REV3L: variants seen among roughly 807,000 people sequenced by gnomAD.
REV3L encodes DNA polymerase zeta catalytic subunit.
REV3L carries 69 observed loss-of-function variants against 299.4 expected under a neutral mutation model. The ratio of observed to expected loss-of-function variants is 0.23; its 90% CI spans 0.19 to 0.28. The LOEUF (loss-of-function observed/expected upper bound fraction) is 0.28, where lower values mean the gene tolerates loss of function less well. Ranked by LOEUF, REV3L falls within the 10% of genes least tolerant of loss-of-function variation. REV3L has a pLI of 1.00. For synonymous variants in REV3L, 1,238 were observed against 1,271.4 expected, an observed-to-expected ratio of 0.97 and a Z score of 0.56; for missense variants, 3,128 against 3,693.8, an observed-to-expected ratio of 0.85 and a Z score of 3.97.
In REV3L at chr6:111,430,918, C is replaced by T. The variant is rs1786837569; in HGVS notation, c.140-14446G>A. ...TGGATCTCATTGTAGGAGAGCCAGG[C>T]TACTGCCCTGTGAGACTGGGAATGA... On this transcript the variant is annotated intron_variant, in intron 1 of 31. Coordinates refer to ENST00000368802, the MANE Select transcript of REV3L (RefSeq NM_001372078.1). 1.9e-6 allele frequency: 3 copies of T among 1,602,208 alleles called. No homozygotes were observed. The East Asian group carries it at 6.7e-5, about 36-fold the overall frequency.
chr6:111,310,908 C>A, intron 29 of REV3L, 161 bp downstream of exon 29: 1 of 473,678 alleles, frequency 2.1e-6, no homozygotes. Flanking sequence ...TCACATCTTA[C>A]GAAGTATGAG....
At position 111,372,489 on chromosome 6, in the gene REV3L, G is replaced by A. The variant is rs941705081; in HGVS notation, c.5759+107C>T. The A allele has an allele frequency of 4.0e-5, 31 of 774,336 alleles. No homozygotes were observed. The African/African-American group carries it at 5.3e-4, about 13-fold the overall frequency. 48.0% of individuals were successfully genotyped at this position (774,336 alleles called of 1,614,324 possible). A position where few individuals can be genotyped will look rare whatever the true frequency, so the allele number is the denominator to read the frequency against. On this transcript the variant is annotated intron_variant, in intron 13 of 31. Coordinates refer to ENST00000368802, the MANE Select transcript of REV3L (RefSeq NM_001372078.1). Reference sequence around the variant, plus strand: ...AATACGGTATCACAGAAAACTAGCAGTCAGGTAACCAAATGTTGCATACAT... The same window carrying A: ...AATACGGTATCACAGAAAACTAGCAATCAGGTAACCAAATGTTGCATACAT...
chr6:111,411,226 C>T (rs933404056), intron 3 of REV3L, among the ~76,000 whole-genome samples: 3 of 152,132 alleles, frequency 2.0e-5, no homozygotes, highest in African/African-American at 7.2e-5. Flanking sequence ...CACAAGGCAG[C>T]CGTAATCTCT....
At chr6:111,326,186 G>A (rs411068) in intron 25 of REV3L, among the ~76,000 whole-genome samples, 5,251 of 152,180 alleles carry the variant, frequency 0.035, 118 homozygotes, top group Middle Eastern at 0.082. Context: ...AATCAACAAA[G>A]TGAAGAGACA....
intron 1 of REV3L, among the ~76,000 whole-genome samples, chr6:111,461,646 G>A (rs1006016632): frequency 4.0e-5 from 6 of 151,804 alleles, no homozygotes; most frequent in Admixed American, 3.9e-4. Flanking sequence ...AGATGAAGAG[G>A]AGAAATGGGA....
rs533216381 is a variant in REV3L, at chr6:111,452,939, C to T, written c.139+29811G>A. ...AAAATGTGGAAATCACTGGAAAGAG[C>T]AAGAAATTGATAAGAATTATGCAGT... On this transcript the variant is annotated intron_variant, in intron 1 of 31. Coordinates refer to ENST00000368802, the MANE Select transcript of REV3L (RefSeq NM_001372078.1). Among the ~76,000 whole-genome samples, 24 of 152,108 alleles carry T rather than the reference C, an allele frequency of 1.6e-4. No homozygotes were observed. The South Asian group carries it at 5.0e-3, about 32-fold the overall frequency.
chr6:111,413,692 T>C (rs1355730214), intron 2 of REV3L, among the ~76,000 whole-genome samples: 1 of 151,708 alleles, frequency 6.6e-6, no homozygotes, highest in South Asian at 2.1e-4. Context: ...GGGAAGAAAA[T>C]GACCAAAAAA....
intron 30 of REV3L, 90 bp from the exon 31 acceptor site, chr6:111,307,660 C>T (rs1772470835): frequency 8.2e-7 from 1 of 1,222,964 alleles, no homozygotes; most frequent in African/African-American, 1.5e-5. Context: ...CTCAGGCATT[C>T]ATTCATTCGT....
chr6:111,469,909 A>T (rs561117400), intron 1 of REV3L, among the ~76,000 whole-genome samples: 28 of 152,298 alleles, frequency 1.8e-4, no homozygotes, highest in African/African-American at 6.3e-4. Flanking sequence ...AAGCTGATCC[A>T]AGTAGAGAGG....
intron 1 of REV3L, among the ~76,000 whole-genome samples, chr6:111,471,049 A>G (rs919369621): frequency 2.6e-5 from 4 of 152,236 alleles, no homozygotes; most frequent in African/African-American, 9.6e-5. Context: ...GAATGTATGT[A>G]GAAAATATAT....
chr6:111,373,517 T>G lies in REV3L; in HGVS notation c.4838A>C (p.Asp1613Ala). ...GGGACTATCATCTGATACAGAGTTA[T>G]CCAACTGGCTAGAGTTTTGTAAATT... Reference protein sequence around the residue: ...SLNLQNSSQLDNSVSDDSPIF... With the variant: ...SLNLQNSSQLANSVSDDSPIF... The change falls in exon 13 of 32, where the codon GAT becomes GCT. Residue 1613 changes from aspartate to alanine, a missense_variant. Transcript: ENST00000368802. 1 of 1,613,418 alleles carries G rather than the reference T, an allele frequency of 6.2e-7. No homozygotes were observed. The highest frequency in any genetic ancestry group is 1.1e-5 in the South Asian group (1 of 90,936).
chr6:111,338,552 G>A (rs462432), intron 21 of REV3L, among the ~76,000 whole-genome samples: 60,110 of 150,214 alleles, frequency 0.4, 14,508 homozygotes, highest in Non-Finnish European at 0.54. Context: ...TAACTGTTAC[G>A]GTGAAAATGG....
chr6:111,406,070 A>G (rs1783587302), intron 3 of REV3L, among the ~76,000 whole-genome samples: 1 of 152,116 alleles, frequency 6.6e-6, no homozygotes, highest in Non-Finnish European at 1.5e-5. Flanking sequence ...AATACAAACA[A>G]CAGACAATTA....
At position 111,367,922 on chromosome 6, in the gene REV3L, A is replaced by C; in HGVS notation, c.5866T>G (p.Phe1956Val). 1 of 1,614,150 alleles carries C rather than the reference A, an allele frequency of 6.2e-7. No individual in the cohort carries two copies. Residue 1956 changes from phenylalanine (F) to valine (V), a missense_variant, in exon 14 of 32, where the codon TTC becomes GTC. By Grantham distance (50) the Phe-to-Val change is conservative (BLOSUM62 -1). Transcript: ENST00000368802. ...CTTGGATTCTGAGTCATTGCTGAGA[A>C]TGCTGTTTTCCAAAGACGAAGTCCT... ...LEGLRLWKTA[F>V]SAMTQNPRPG... is the part of the protein sequence containing the mutation.
chr6:111,482,954 G>A lies in REV3L; in HGVS notation c.-66C>T, dbSNP rs1055221817. On this transcript the variant is annotated 5_prime_UTR_variant, in exon 1 of 32. Transcript: ENST00000368802. ...GGCAGCGGCAGCAGCAGCGGCGGCGGCTCCCTCCGCAGCGGCGGCGGCGCC... is the reference window on the plus strand; with the variant it reads ...GGCAGCGGCAGCAGCAGCGGCGGCGACTCCCTCCGCAGCGGCGGCGGCGCC... The A allele has an allele frequency of 2.8e-6, 4 of 1,444,876 alleles. No individual in the cohort carries two copies. The highest frequency in any genetic ancestry group is 3.0e-5 in the African/African-American group (2 of 66,422). 89.5% of individuals were successfully genotyped at this position (1,444,876 alleles called of 1,614,324 possible).
At chr6:111,466,868 G>T (rs921951801) in intron 1 of REV3L, among the ~76,000 whole-genome samples, 23 of 152,068 alleles carry the variant, frequency 1.5e-4, no homozygotes, top group Non-Finnish European at 2.8e-4. Flanking sequence ...TTAGAAAAAA[G>T]AAATTTTAAA....
At chr6:111,334,548 G>A (rs931428968) in intron 22 of REV3L, among the ~76,000 whole-genome samples, 1 of 152,034 alleles carries the variant, frequency 6.6e-6, no homozygotes, top group African/African-American at 2.4e-5. Flanking sequence ...ACTGAATCAA[G>A]CAATTACTGG....
At chr6:111,482,657 G>A (rs1450125181) in intron 1 of REV3L, 93 bp downstream of exon 1, 2 of 776,278 alleles carry the variant, frequency 2.6e-6, no homozygotes, top group Non-Finnish European at 3.2e-6. Context: ...GAGACGGCCG[G>A]CGCCGGTGGC....
At chr6:111,424,617 C>A (rs897895514) in intron 1 of REV3L, among the ~76,000 whole-genome samples, 1 of 152,168 alleles carries the variant, frequency 6.6e-6, no homozygotes, top group Non-Finnish European at 1.5e-5. Context: ...GCTGTAAAAA[C>A]CAGCAGCCAG....
Sources: allele counts gnomAD v4.1 joint callset (sites outside exome capture counted in the v4.1 genomes callset), GRCh38; gene constraint gnomAD v4.1.1; transcripts MANE v1.5; gene names NCBI Gene and HGNC (gene_info 2026-07-23, HGNC 2026-07-21).